The following PKIG variants were observed in gnomAD, a reference collection of about 807,000 sequenced individuals.
The protein encoded by PKIG is protein kinase (cAMP-dependent, catalytic) inhibitor gamma.
PKIG carries 1 observed loss-of-function variant against 6.8 expected under a neutral mutation model. The observed-to-expected ratio is 0.15, with a 90% CI of 0.05 to 0.69. PKIG has a LOEUF of 0.69. Ranked by LOEUF, PKIG falls within the 30% of genes least tolerant of loss-of-function variation. The pLI, the probability that PKIG is intolerant of heterozygous loss-of-function variation, is 0.82. For missense variants in PKIG, 77 were observed against 104.0 expected, an observed-to-expected ratio of 0.74 and a Z score of 1.13; for synonymous variants, 39 against 43.0, an observed-to-expected ratio of 0.91 and a Z score of 0.36.
At chr20:44,586,338 A>G (rs2064990084) in intron 1 of PKIG, among the ~76,000 whole-genome samples, 1 of 152,234 alleles carries the variant, frequency 6.6e-6, no homozygotes, top group South Asian at 2.1e-4. Flanking sequence ...CCCCTCAGAC[A>G]TAGGATGGCA....
chr20:44,558,574 T>TTTCTTTC (rs2064736616), intron 1 of PKIG, among the ~76,000 whole-genome samples: 2 of 131,900 alleles, frequency 1.5e-5, no homozygotes, highest in African/African-American at 6.2e-5. Context: ...TTTTTTTCTT[T>TTTCTTTC]TTTCTTTCTT....
At chr20:44,618,224 T>A (rs973749735) in intron 3 of PKIG, 61 bp from the exon 4 acceptor site, 9 of 1,109,112 alleles carry the variant, frequency 8.1e-6, no homozygotes, top group Admixed American at 5.1e-5. Context: ...CTTTCACACC[T>A]CCTTCTGTGC....
chr20:44,597,962 C>T (rs1050973991), intron 2 of PKIG, among the ~76,000 whole-genome samples: 1 of 152,222 alleles, frequency 6.6e-6, no homozygotes, highest in African/African-American at 2.4e-5. Flanking sequence ...TTTAAAACAA[C>T]AGCAATAGTT....
chr20:44,594,221 A>G (rs1009263722), intron 2 of PKIG, among the ~76,000 whole-genome samples: 1 of 152,216 alleles, frequency 6.6e-6, no homozygotes, highest in African/African-American at 2.4e-5. Context: ...TTCTGATAAT[A>G]GTAACCACCA....
At chr20:44,601,901 C>T (rs1322049121) in intron 2 of PKIG, among the ~76,000 whole-genome samples, 1 of 152,236 alleles carries the variant, frequency 6.6e-6, no homozygotes, top group Non-Finnish European at 1.5e-5. Flanking sequence ...TAGCTCTTGG[C>T]AGAGCCTGGG....
chr20:44,610,785 T>G (rs759290301), intron 2 of PKIG, among the ~76,000 whole-genome samples: 14 of 152,198 alleles, frequency 9.2e-5, no homozygotes, highest in Non-Finnish European at 2.1e-4. Flanking sequence ...ATTTTAGGTG[T>G]TGTTTTGCAA....
chr20:44,581,529 GTTCT>G (rs1312435794), upstream of PKIG, among the ~76,000 whole-genome samples: 5 of 152,198 alleles, frequency 3.3e-5, no homozygotes, highest in Admixed American at 6.5e-5. Context: ...GTAGAGAGAT[GTTCT>G]TTGTCTTTAC....
At chr20:44,536,921 T>G (rs2064517229) in intron 1 of PKIG, among the ~76,000 whole-genome samples, 1 of 152,140 alleles carries the variant, frequency 6.6e-6, no homozygotes, top group African/African-American at 2.4e-5. Context: ...TGTTTTTTTG[T>G]TTTTTGTTTT....
intron 1 of PKIG, among the ~76,000 whole-genome samples, chr20:44,572,091 C>T (rs2064858706): frequency 1.3e-5 from 2 of 152,212 alleles, no homozygotes; most frequent in South Asian, 2.1e-4. Context: ...ACAACCTCTG[C>T]CTCCCGGGTT....
At chr20:44,572,977 T>C (rs1156939017) in intron 1 of PKIG, among the ~76,000 whole-genome samples, 1 of 152,206 alleles carries the variant, frequency 6.6e-6, no homozygotes, top group African/African-American at 2.4e-5. Context: ...TGGCAACTAT[T>C]AAAAAGCCCT....
intron 1 of PKIG, among the ~76,000 whole-genome samples, chr20:44,571,781 G>T (rs960119897): frequency 6.6e-5 from 10 of 152,334 alleles, no homozygotes; most frequent in Admixed American, 6.5e-4. Flanking sequence ...CTGCACATAT[G>T]TTTGTTACAG....
intron 1 of PKIG, among the ~76,000 whole-genome samples, chr20:44,587,210 G>T (rs1356696253): frequency 6.6e-6 from 1 of 152,196 alleles, no homozygotes; most frequent in Non-Finnish European, 1.5e-5. Flanking sequence ...TAATTTTAAT[G>T]GCACGTGAAA....
intron 2 of PKIG, among the ~76,000 whole-genome samples, chr20:44,603,583 C>T (rs570801628): frequency 1.3e-4 from 20 of 152,202 alleles, no homozygotes; most frequent in South Asian, 8.3e-4. Context: ...AGCTCTGGAC[C>T]GGGAGTTAGG....
intron 1 of PKIG, among the ~76,000 whole-genome samples, chr20:44,561,273 G>A (rs1418610251): frequency 6.6e-6 from 1 of 152,130 alleles, no homozygotes; most frequent in Admixed American, 6.5e-5. Flanking sequence ...GGAGGCAGAA[G>A]TTGCAGTGAG....
At chr20:44,566,998 C>T (rs1409861595) in intron 1 of PKIG, among the ~76,000 whole-genome samples, 2 of 152,178 alleles carry the variant, frequency 1.3e-5, no homozygotes, top group African/African-American at 2.4e-5. Context: ...GTTTTGTCTG[C>T]ATTCCCTTCT....
chr20:44,614,796 C>A lies in PKIG; in HGVS notation c.151+89C>A. ...GCCTCCAAGTCCTAGACTGCCCATA[C>A]TTTCTTAGAGAAGAAACCACATTTA... On this transcript the variant is annotated intron_variant, in intron 3 of 3. Transcript: ENST00000372886. The surrounding 1 kb of genome is among the most constrained non-coding windows in gnomAD (Gnocchi z 4.6). The A allele has an allele frequency of 7.3e-7, 1 of 1,364,020 alleles. No individual in the cohort carries two copies. Among genetic ancestry groups the A allele is most frequent in the Non-Finnish European group, 1.0e-6 (1 of 988,856 alleles). 84.5% of individuals were successfully genotyped at this position (1,364,020 alleles called of 1,614,324 possible). A position where few individuals can be genotyped will look rare whatever the true frequency, so the allele number is the denominator to read the frequency against.
intron 1 of PKIG, among the ~76,000 whole-genome samples, chr20:44,567,160 A>G (rs2064817237): frequency 6.6e-6 from 1 of 152,260 alleles, no homozygotes; most frequent in South Asian, 2.1e-4. Flanking sequence ...AGTGCTACCT[A>G]GATGGCAGTT....
At chr20:44,586,578 CT>C (rs1465405185) in intron 1 of PKIG, among the ~76,000 whole-genome samples, 2 of 152,332 alleles carry the variant, frequency 1.3e-5, no homozygotes, top group South Asian at 4.1e-4. Flanking sequence ...AAGGAAGAAG[CT>C]GGTAACAGGT....
chr20:44,589,007 A>C (rs1222289020), intron 1 of PKIG, among the ~76,000 whole-genome samples: 1 of 152,270 alleles, frequency 6.6e-6, no homozygotes, highest in Admixed American at 6.5e-5. Flanking sequence ...ATTTCTCAAA[A>C]GAGAATAATT....
Sources: gnomAD v4.1 joint callset for allele counts (sites outside exome capture counted in the v4.1 genomes callset) on GRCh38, gnomAD v4.1.1 for gene constraint, Gnocchi (gnomAD v3.1) non-coding constraint, MANE v1.5 for transcripts, NCBI Gene and HGNC (gene_info 2026-07-23, HGNC 2026-07-21) for gene names.